Variants in CACNB2 observed in about 807,000 individuals in gnomAD.
CACNB2 encodes the protein voltage-dependent L-type calcium channel subunit beta-2.
CACNB2 carries 42 observed loss-of-function variants against 73.3 expected under a neutral mutation model. The observed-to-expected ratio is 0.57, with a 90% confidence interval of 0.45 to 0.74. The LOEUF is 0.74. Ranked by LOEUF, CACNB2 falls within the 30% of genes least tolerant of loss-of-function variation. CACNB2 has a pLI of 0.00. For missense variants in CACNB2, 940 were observed against 853.0 expected, an observed-to-expected ratio of 1.10 and a Z score of -1.27; for synonymous variants, 348 against 310.3, an observed-to-expected ratio of 1.12 and a Z score of -1.28.
At chr10:18,351,402 A>C (rs181886002) in intron 2 of CACNB2, among the ~76,000 whole-genome samples, 1 of 152,270 alleles carries the variant, frequency 6.6e-6, no homozygotes, top group East Asian at 1.9e-4. Flanking sequence ...GCAATATACT[A>C]CGTATTCAGT....
chr10:18,272,503 G>A (rs1469154737), intron 2 of CACNB2, among the ~76,000 whole-genome samples: 1 of 152,162 alleles, frequency 6.6e-6, no homozygotes, highest in Admixed American at 6.5e-5. Flanking sequence ...TTGTAGCAAT[G>A]CTGCTGATAT....
chr10:18,373,182 T>A (rs981969995), intron 2 of CACNB2, among the ~76,000 whole-genome samples: 4 of 152,100 alleles, frequency 2.6e-5, no homozygotes, highest in African/African-American at 7.2e-5. Context: ...TAAAGAAGCC[T>A]CTTTTTGAGG....
At chr10:18,358,751 G>T (rs2042032775) in intron 2 of CACNB2, among the ~76,000 whole-genome samples, 1 of 152,112 alleles carries the variant, frequency 6.6e-6, no homozygotes, top group African/African-American at 2.4e-5. Context: ...TCAGTTTGAT[G>T]ACAAAGAAGT....
chr10:18,253,117 T>C (rs2037152999), intron 2 of CACNB2, among the ~76,000 whole-genome samples: 1 of 152,182 alleles, frequency 6.6e-6, no homozygotes, highest in Non-Finnish European at 1.5e-5. Context: ...GAAATGGAGA[T>C]GAAGGGCTCA....
At chr10:18,180,603 G>A (rs1263906715) in intron 2 of CACNB2, among the ~76,000 whole-genome samples, 2 of 152,044 alleles carry the variant, frequency 1.3e-5, no homozygotes. Flanking sequence ...CGAGGATTAG[G>A]GACAGTGTAA....
chr10:18,441,464 TC>T (rs2132945831), intron 3 of CACNB2, among the ~76,000 whole-genome samples: 1 of 152,298 alleles, frequency 6.6e-6, no homozygotes, highest in East Asian at 1.9e-4. Context: ...GGTTTGTTTT[TC>T]ATCAACTTTT....
At chr10:18,354,839 T>G (rs1045596572) in intron 2 of CACNB2, among the ~76,000 whole-genome samples, 1 of 152,170 alleles carries the variant, frequency 6.6e-6, no homozygotes, top group Non-Finnish European at 1.5e-5. Context: ...TAAAACCATG[T>G]GTGGTTTCTT....
In CACNB2 at chr10:18,441,572, AC is replaced by A. The variant is rs530538895; in HGVS notation, c.333+39530del. Among the ~76,000 whole-genome samples the A allele has an allele frequency of 4.4e-4, 67 of 152,102 alleles. 1 individual carries two copies. In the Middle Eastern group the frequency reaches 0.01, roughly 23 times the overall value. ...TGCTGGCTTTACTGAGGTATAATTG[AC>A]AAATAAAAATTGTATATACTTATGA... On this transcript the variant is annotated intron_variant, in intron 3 of 13. Transcript: ENST00000324631.
intron 2 of CACNB2, among the ~76,000 whole-genome samples, chr10:18,185,451 A>G (rs963502421): frequency 5.9e-5 from 9 of 152,184 alleles, no homozygotes; most frequent in African/African-American, 1.9e-4. Flanking sequence ...GAGCAGGGTT[A>G]TAATGCATTT....
chr10:18,300,775 G>A (rs1280522424), intron 2 of CACNB2, among the ~76,000 whole-genome samples: 7 of 152,116 alleles, frequency 4.6e-5, no homozygotes, highest in Admixed American at 4.6e-4. Flanking sequence ...CTTGAACCCG[G>A]GAGGCAGAGA....
chr10:18,220,851 C>G (rs1211283896), intron 2 of CACNB2, among the ~76,000 whole-genome samples: 1 of 152,182 alleles, frequency 6.6e-6, no homozygotes, highest in African/African-American at 2.4e-5. Context: ...CATCCCAAAA[C>G]CATTCCCTAC....
At chr10:18,257,919 T>G (rs1564382052) in intron 2 of CACNB2, among the ~76,000 whole-genome samples, 1 of 152,178 alleles carries the variant, frequency 6.6e-6, no homozygotes, top group African/African-American at 2.4e-5. Context: ...GATTTTTGTA[T>G]TTTTAGTAGA....
chr10:18,188,118 A>G (rs555064130), intron 2 of CACNB2, among the ~76,000 whole-genome samples: 1 of 152,284 alleles, frequency 6.6e-6, no homozygotes, highest in Non-Finnish European at 1.5e-5. Flanking sequence ...ATTATTTTAA[A>G]TCTTTTAAAA....
intron 3 of CACNB2, among the ~76,000 whole-genome samples, chr10:18,461,801 A>C (rs1589426719): frequency 1.7e-5 from 2 of 115,102 alleles, no homozygotes; most frequent in African/African-American, 3.6e-5. Context: ...TTGTACCATC[A>C]CCCAACTCTG....
intron 3 of CACNB2, among the ~76,000 whole-genome samples, chr10:18,475,532 A>G (rs1452059668): frequency 3.3e-5 from 5 of 152,180 alleles, no homozygotes; most frequent in Non-Finnish European, 5.9e-5. Flanking sequence ...ATTGTATTGC[A>G]GTATCAGAGA....
At chr10:18,278,971 C>T (rs1311319116) in intron 2 of CACNB2, among the ~76,000 whole-genome samples, 1 of 152,100 alleles carries the variant, frequency 6.6e-6, no homozygotes, top group Non-Finnish European at 1.5e-5. Context: ...GAGCCATGAT[C>T]ATGCCACTGC....
intron 1 of CACNB2, among the ~76,000 whole-genome samples, chr10:18,147,960 C>CTAA (rs1331878159): frequency 6.6e-6 from 1 of 152,046 alleles, no homozygotes; most frequent in Non-Finnish European, 1.5e-5. Flanking sequence ...TGAATTTTCA[C>CTAA]TAACATTTTT....
At chr10:18,346,769 G>C (rs553013341) in intron 2 of CACNB2, among the ~76,000 whole-genome samples, 6 of 151,820 alleles carry the variant, frequency 4.0e-5, no homozygotes, top group Non-Finnish European at 7.4e-5. Context: ...GCTAATTTTT[G>C]TGTTTTTCGT....
At chr10:18,387,855 C>T (rs907126627) in intron 2 of CACNB2, among the ~76,000 whole-genome samples, 3 of 151,982 alleles carry the variant, frequency 2.0e-5, no homozygotes, top group African/African-American at 7.3e-5. Context: ...CTCCCAGACT[C>T]AAGTGATCCT....
Sources: allele counts gnomAD v4.1 joint callset (sites outside exome capture counted in the v4.1 genomes callset), GRCh38; gene constraint gnomAD v4.1.1; transcripts MANE v1.5; gene names NCBI Gene and HGNC (gene_info 2026-07-23, HGNC 2026-07-21).